The following ABTB3 variants were observed in gnomAD, a reference collection of about 807,000 sequenced individuals.
The protein encoded by ABTB3 is ankyrin repeat- and BTB/POZ domain-containing protein 3.
the ABTB3 span, chr12:107,658,344 T>A: frequency 6.5e-6 from 1 of 153,028 alleles, no homozygotes; most frequent in Non-Finnish European, 1.5e-5. Context: ...ATTTCTTTTT[T>A]TTTTTTAAAT....
chr12:107,517,295 G>A, the ABTB3 span, among the ~76,000 whole-genome samples: 2 of 152,182 alleles, frequency 1.3e-5, no homozygotes, highest in African/African-American at 4.8e-5. Context: ...TTGAAGTCAG[G>A]TAGCGTGATG....
chr12:107,407,860 C>T, the ABTB3 span, among the ~76,000 whole-genome samples: 4 of 151,928 alleles, frequency 2.6e-5, no homozygotes, highest in African/African-American at 9.7e-5. Flanking sequence ...GATTGCTGTT[C>T]CAGATTTCTC....
the ABTB3 span, chr12:107,612,926 G>A: frequency 6.6e-7 from 1 of 1,512,790 alleles, no homozygotes; most frequent in Non-Finnish European, 9.0e-7. Flanking sequence ...GGGAAAGCGA[G>A]CAAGAAAGGG....
chr12:107,401,949 T>C, the ABTB3 span, among the ~76,000 whole-genome samples: 1 of 144,018 alleles, frequency 6.9e-6, no homozygotes, highest in African/African-American at 2.6e-5. Flanking sequence ...TCTCCTGCCT[T>C]GCTTCCCTAC....
At chr12:107,584,266 C>A in the ABTB3 span, among the ~76,000 whole-genome samples, 1 of 152,232 alleles carries the variant, frequency 6.6e-6, no homozygotes, top group African/African-American at 2.4e-5. Flanking sequence ...CTGTTCCTTA[C>A]ACTTACAGTC....
the ABTB3 span, chr12:107,617,537 C>A: frequency 9.6e-6 from 14 of 1,460,438 alleles, no homozygotes; most frequent in Non-Finnish European, 1.2e-5. Context: ...GGATGTGGGG[C>A]CCAGAGGCAG....
the ABTB3 span, among the ~76,000 whole-genome samples, chr12:107,419,821 G>T: frequency 6.6e-6 from 1 of 152,208 alleles, no homozygotes; most frequent in Non-Finnish European, 1.5e-5. Flanking sequence ...GTTTCAGACA[G>T]CTTTCTTACA....
the ABTB3 span, among the ~76,000 whole-genome samples, chr12:107,482,392 G>A: frequency 2.6e-5 from 4 of 152,178 alleles, no homozygotes. Flanking sequence ...CACCCCAGTG[G>A]AGTTCAAGAT....
chr12:107,503,197 A>G, the ABTB3 span, among the ~76,000 whole-genome samples: 1 of 152,182 alleles, frequency 6.6e-6, no homozygotes, highest in Non-Finnish European at 1.5e-5. Context: ...TAATTTCAGC[A>G]GGCTCTGAGG....
chr12:107,453,377 T>C, the ABTB3 span, among the ~76,000 whole-genome samples: 3 of 151,832 alleles, frequency 2.0e-5, no homozygotes, highest in African/African-American at 7.3e-5. Flanking sequence ...CCTTTGGGGG[T>C]GATGAGGTCA....
At chr12:107,357,481 T>A in the ABTB3 span, among the ~76,000 whole-genome samples, 1 of 152,152 alleles carries the variant, frequency 6.6e-6, no homozygotes, top group Non-Finnish European at 1.5e-5. Context: ...TGTGGTAGCA[T>A]GCACCTGTAG....
chr12:107,422,700 C>T, the ABTB3 span, among the ~76,000 whole-genome samples: 1 of 152,176 alleles, frequency 6.6e-6, no homozygotes, highest in African/African-American at 2.4e-5. Flanking sequence ...ACTTCTTATG[C>T]CTCTTTTGTG....
the ABTB3 span, among the ~76,000 whole-genome samples, chr12:107,409,122 GTC>G: frequency 6.6e-6 from 1 of 152,106 alleles, no homozygotes; most frequent in Non-Finnish European, 1.5e-5. Context: ...GTCTCTCTGT[GTC>G]TCTGTTTCTC....
At chr12:107,649,467 A>AAG in the ABTB3 span, 1 of 576,534 alleles carries the variant, frequency 1.7e-6, no homozygotes, top group Non-Finnish European at 3.1e-6. Flanking sequence ...CTCATCAGAG[A>AAG]CCTTCCCTGG....
At chr12:107,547,055 G>A in the ABTB3 span, among the ~76,000 whole-genome samples, 15 of 152,186 alleles carry the variant, frequency 9.9e-5, no homozygotes, top group East Asian at 2.5e-3. Flanking sequence ...TTAGCTGGGT[G>A]TGGTGGTGCT....
the ABTB3 span, among the ~76,000 whole-genome samples, chr12:107,641,772 G>A: frequency 2.6e-5 from 4 of 152,190 alleles, no homozygotes; most frequent in African/African-American, 9.6e-5. Context: ...CAGGAGAGAT[G>A]CCATGAAGGT....
the ABTB3 span, among the ~76,000 whole-genome samples, chr12:107,382,295 AG>A: frequency 2.0e-5 from 3 of 151,974 alleles, no homozygotes; most frequent in African/African-American, 7.3e-5. Flanking sequence ...AGGCTTTAGG[AG>A]AGATGGGCCA....
chr12:107,529,173 G>A, the ABTB3 span, among the ~76,000 whole-genome samples: 14,032 of 141,146 alleles, frequency 0.099, 923 homozygotes, highest in African/African-American at 0.13. Flanking sequence ...AGTGATGATG[G>A]TGATGGTGAT....
At chr12:107,543,795 G>A in the ABTB3 span, 6 of 691,644 alleles carry the variant, frequency 8.7e-6, no homozygotes, top group Non-Finnish European at 1.4e-5. Flanking sequence ...TCTGCTTGGT[G>A]AGTGACTTCA....
Sources: allele counts gnomAD v4.1 joint callset (sites outside exome capture counted in the v4.1 genomes callset), GRCh38; gene constraint gnomAD v4.1.1; transcripts MANE v1.5; gene names NCBI Gene and HGNC (gene_info 2026-07-23, HGNC 2026-07-21).